Variants in NHSL1 observed in about 807,000 individuals in gnomAD.
The protein encoded by NHSL1 is NHS like 1.
Under a neutral mutation model 95.0 loss-of-function variants are expected in NHSL1, and 48 were observed. The ratio of observed to expected loss-of-function variants is 0.51; its 90% confidence interval spans 0.40 to 0.64. The LOEUF (loss-of-function observed/expected upper bound fraction) is 0.64, where lower values mean the gene tolerates loss of function less well. Among genes scored for constraint, NHSL1 ranks in the 30% least tolerant of loss-of-function variants. NHSL1 has a pLI of 0.00. For missense variants in NHSL1, 1,971 were observed against 2,077.7 expected, an observed-to-expected ratio of 0.95 and a Z score of 1.00; for synonymous variants, 783 against 833.9, an observed-to-expected ratio of 0.94 and a Z score of 1.05.
intron 5 of NHSL1, among the ~76,000 whole-genome samples, chr6:138,434,450 G>T (rs944040614): frequency 2.0e-5 from 3 of 151,470 alleles, no homozygotes; most frequent in African/African-American, 7.3e-5. Flanking sequence ...CACAAGGAAG[G>T]GCCAACAGAG....
At chr6:138,440,034 T>C (rs1776430048) in intron 5 of NHSL1, among the ~76,000 whole-genome samples, 1 of 152,156 alleles carries the variant, frequency 6.6e-6, no homozygotes, top group South Asian at 2.1e-4. Context: ...AGACATCATA[T>C]TACATATGCA....
At chr6:138,675,977 A>G (rs995068453) in intron 1 of NHSL1, among the ~76,000 whole-genome samples, 4 of 152,222 alleles carry the variant, frequency 2.6e-5, no homozygotes, top group African/African-American at 9.6e-5. Context: ...CAAGTTCAAA[A>G]TAACTTAAAA....
chr6:138,624,484 T>C (rs1274631336), intron 1 of NHSL1, among the ~76,000 whole-genome samples: 1 of 152,058 alleles, frequency 6.6e-6, no homozygotes, highest in Non-Finnish European at 1.5e-5. Flanking sequence ...CATAGAGAAT[T>C]GAGAATAATT....
chr6:138,506,247 A>G (rs1280455444), intron 1 of NHSL1, among the ~76,000 whole-genome samples: 1 of 152,182 alleles, frequency 6.6e-6, no homozygotes, highest in African/African-American at 2.4e-5. Context: ...TCCTATGTTA[A>G]CTCTTGAAGG....
intron 3 of NHSL1, among the ~76,000 whole-genome samples, chr6:138,463,773 T>C (rs1291658854): frequency 1.3e-5 from 2 of 152,156 alleles, no homozygotes; most frequent in African/African-American, 4.8e-5. Context: ...AACTCCCACT[T>C]GTGTGACGTT....
At chr6:138,518,332 G>A (rs1467455616) in intron 1 of NHSL1, among the ~76,000 whole-genome samples, 1 of 151,516 alleles carries the variant, frequency 6.6e-6, no homozygotes, top group Non-Finnish European at 1.5e-5. Context: ...ACTCAACACA[G>A]TCCAGGTTTG....
chr6:138,579,350 C>A (rs1330882584), intron 1 of NHSL1, among the ~76,000 whole-genome samples: 3 of 152,144 alleles, frequency 2.0e-5, no homozygotes, highest in Non-Finnish European at 2.9e-5. Flanking sequence ...CAAGTTTCAG[C>A]GTAAGGAGAT....
intron 1 of NHSL1, among the ~76,000 whole-genome samples, chr6:138,658,030 T>G (rs1785180004): frequency 6.6e-6 from 1 of 152,064 alleles, no homozygotes; most frequent in East Asian, 1.9e-4. Context: ...GGCAGAAATC[T>G]TTTGCTATCT....
At chr6:138,491,039 A>G (rs1387587060) in intron 2 of NHSL1, among the ~76,000 whole-genome samples, 1 of 152,214 alleles carries the variant, frequency 6.6e-6, no homozygotes, top group Non-Finnish European at 1.5e-5. Context: ...CTCAACTCCT[A>G]TCCTTTCAGG....
intron 4 of NHSL1, among the ~76,000 whole-genome samples, chr6:138,445,227 T>C (rs1317966690): frequency 1.3e-5 from 2 of 152,204 alleles, no homozygotes; most frequent in African/African-American, 4.8e-5. Flanking sequence ...TCATATTTCA[T>C]TGCACAATCT....
At chr6:138,687,043 C>T (rs1785593543) in intron 1 of NHSL1, among the ~76,000 whole-genome samples, 1 of 152,142 alleles carries the variant, frequency 6.6e-6, no homozygotes. Flanking sequence ...CACCAACATC[C>T]TCTCTAGCAT....
intron 1 of NHSL1, among the ~76,000 whole-genome samples, chr6:138,537,311 C>T (rs980123059): frequency 9.2e-5 from 14 of 152,316 alleles, no homozygotes; most frequent in African/African-American, 2.2e-4. Flanking sequence ...GTTGCTACCA[C>T]GCTCCTTTGC....
chr6:138,538,308 CTTCA>C (rs1477866334), intron 1 of NHSL1, among the ~76,000 whole-genome samples: 2 of 152,140 alleles, frequency 1.3e-5, no homozygotes, highest in African/African-American at 4.8e-5. Flanking sequence ...TGTTCATATA[CTTCA>C]TTTTCTTTTG....
rs1203546191 is a variant in NHSL1 at position 138,667,612 on chromosome 6, A to G, written c.96+24864T>C. On this transcript the variant is annotated intron_variant, in intron 1 of 3. Coordinates refer to the NHSL1 transcript ENST00000491526. ...AAATGTCAATGTTTGTTCAACCACA[A>G]TGTTTTCAGTTCTCTTCTAGAATTT... is the stretch of plus-strand genomic sequence containing the variant. Among the ~76,000 whole-genome samples, 5 of 152,234 alleles carry G rather than the reference A, an allele frequency of 3.3e-5. No individual in the cohort carries two copies. The East Asian group carries it at 7.7e-4, about 23-fold the overall frequency.
At chr6:138,683,629 T>C (rs1053823318) in intron 1 of NHSL1, among the ~76,000 whole-genome samples, 10 of 152,204 alleles carry the variant, frequency 6.6e-5, no homozygotes, top group Non-Finnish European at 1.2e-4. Flanking sequence ...CCTGGCCTCA[T>C]CTGAGTATGG....
chr6:138,503,927 C>T (rs949551060), upstream of NHSL1, among the ~76,000 whole-genome samples: 3 of 151,890 alleles, frequency 2.0e-5, no homozygotes, highest in Admixed American at 6.6e-5. Flanking sequence ...ATTTAATCCC[C>T]AGTTAAAAAA....
At chr6:138,659,167 A>G (rs575229516) in intron 1 of NHSL1, among the ~76,000 whole-genome samples, 1 of 146,928 alleles carries the variant, frequency 6.8e-6, no homozygotes, top group South Asian at 2.1e-4. Flanking sequence ...CTCCTGCCTT[A>G]GCCTCCTGAG....
intron 1 of NHSL1, among the ~76,000 whole-genome samples, chr6:138,628,660 A>T (rs559582318): frequency 6.6e-6 from 1 of 152,360 alleles, no homozygotes; most frequent in South Asian, 2.1e-4. Flanking sequence ...AGGCAGGAGA[A>T]TCGCTTGAAC....
intron 2 of NHSL1, among the ~76,000 whole-genome samples, chr6:138,485,866 A>C (rs1282777479): frequency 2.0e-5 from 3 of 152,158 alleles, no homozygotes; most frequent in Non-Finnish European, 4.4e-5. Flanking sequence ...GTCTTTGAAA[A>C]GTCAACCTAA....
Sources: allele counts gnomAD v4.1 joint callset (sites outside exome capture counted in the v4.1 genomes callset), GRCh38; gene constraint gnomAD v4.1.1; transcripts MANE v1.5; gene names NCBI Gene and HGNC (gene_info 2026-07-23, HGNC 2026-07-21).